The following ATXN7L1 variants were observed in gnomAD, a reference collection of about 807,000 sequenced individuals.
The protein encoded by ATXN7L1 is ataxin 7 like 1.
ATXN7L1 carries 15 observed loss-of-function variants against 70.8 expected under a neutral mutation model. That is an observed-to-expected ratio of 0.21 (90% CI 0.14 to 0.33). ATXN7L1 has a LOEUF of 0.33. Among genes scored for constraint, ATXN7L1 ranks in the 10% least tolerant of loss-of-function variants. ATXN7L1 has a pLI of 1.00. For missense variants in ATXN7L1, 975 were observed against 1,097.1 expected, an observed-to-expected ratio of 0.89 and a Z score of 1.57; for synonymous variants, 440 against 445.1, an observed-to-expected ratio of 0.99 and a Z score of 0.14.
intron 3 of ATXN7L1, among the ~76,000 whole-genome samples, chr7:105,787,685 C>T (rs779013866): frequency 3.3e-5 from 5 of 152,166 alleles, no homozygotes; most frequent in South Asian, 2.1e-4. Context: ...GGGAAATGTG[C>T]GTAATTTGCA....
chr7:105,858,101 T>A (rs1585168351), intron 2 of ATXN7L1, among the ~76,000 whole-genome samples: 1 of 152,066 alleles, frequency 6.6e-6, no homozygotes, highest in Admixed American at 6.6e-5. Flanking sequence ...TGTGGTAGTA[T>A]GTGCCTGTAG....
chr7:105,801,564 A>C (rs543768685), intron 2 of ATXN7L1, among the ~76,000 whole-genome samples: 3 of 152,316 alleles, frequency 2.0e-5, no homozygotes, highest in African/African-American at 7.2e-5. Context: ...ACTTCTTGCT[A>C]GTTAAAAGAT....
intron 3 of ATXN7L1, among the ~76,000 whole-genome samples, chr7:105,779,589 T>C (rs1803246167): frequency 6.6e-6 from 1 of 152,218 alleles, no homozygotes; most frequent in African/African-American, 2.4e-5. Flanking sequence ...ATCATAAGGA[T>C]TTCCTTAGCA....
At chr7:105,750,740 T>A (rs551392735) in intron 3 of ATXN7L1, among the ~76,000 whole-genome samples, 1 of 151,970 alleles carries the variant, frequency 6.6e-6, no homozygotes, top group East Asian at 1.9e-4. Flanking sequence ...GACGTGGAGG[T>A]TGCAGTGAGC....
At chr7:105,743,859 T>C (rs1012305578) in intron 3 of ATXN7L1, among the ~76,000 whole-genome samples, 8 of 152,232 alleles carry the variant, frequency 5.3e-5, no homozygotes, top group Non-Finnish European at 1.2e-4. Flanking sequence ...AATTATGCTC[T>C]AGATGACAGC....
intron 5 of ATXN7L1, among the ~76,000 whole-genome samples, chr7:105,640,683 C>A (rs1490998467): frequency 6.6e-6 from 1 of 152,230 alleles, no homozygotes; most frequent in East Asian, 1.9e-4. Context: ...CACCACCACA[C>A]CTGCCTGATT....
At chr7:105,675,525 T>G (rs1279475335) in intron 3 of ATXN7L1, among the ~76,000 whole-genome samples, 1 of 151,912 alleles carries the variant, frequency 6.6e-6, no homozygotes, top group Non-Finnish European at 1.5e-5. Flanking sequence ...CTCGGGAGGT[T>G]GAGGTGGGAG....
chr7:105,826,515 T>G (rs1304084979), intron 2 of ATXN7L1, among the ~76,000 whole-genome samples: 1 of 152,196 alleles, frequency 6.6e-6, no homozygotes, highest in Non-Finnish European at 1.5e-5. Flanking sequence ...AGCATTTTAT[T>G]ACATAGACAT....
At chr7:105,737,522 C>T (rs1049802623) in intron 3 of ATXN7L1, among the ~76,000 whole-genome samples, 3 of 135,806 alleles carry the variant, frequency 2.2e-5, no homozygotes, top group African/African-American at 3.0e-5. Flanking sequence ...TGCCTACTAA[C>T]GTCCCCGTGT....
chr7:105,867,857 C>T (rs1469442590), intron 2 of ATXN7L1, among the ~76,000 whole-genome samples: 1 of 152,200 alleles, frequency 6.6e-6, no homozygotes, highest in African/African-American at 2.4e-5. Flanking sequence ...GTTGTCTAAA[C>T]TTGGGGGAGG....
chr7:105,737,815 G>C (rs1024160925), intron 3 of ATXN7L1, among the ~76,000 whole-genome samples: 1 of 152,174 alleles, frequency 6.6e-6, no homozygotes, highest in African/African-American at 2.4e-5. Flanking sequence ...TCGTAAGCGG[G>C]GAGTATGAAC....
intron 2 of ATXN7L1, among the ~76,000 whole-genome samples, chr7:105,864,663 T>C (rs1201241513): frequency 1.3e-5 from 2 of 151,056 alleles, no homozygotes; most frequent in African/African-American, 2.4e-5. Context: ...AGACGGAGTG[T>C]CACTCTGTCC....
intron 4 of ATXN7L1, among the ~76,000 whole-genome samples, chr7:105,646,931 G>A (rs1165327598): frequency 6.6e-6 from 1 of 151,618 alleles, no homozygotes; most frequent in Non-Finnish European, 1.5e-5. Flanking sequence ...GTGACACAGT[G>A]AGACCCTGTC....
chr7:105,680,392 G>C (rs1309380496), intron 3 of ATXN7L1, among the ~76,000 whole-genome samples: 1 of 152,182 alleles, frequency 6.6e-6, no homozygotes, highest in Admixed American at 6.5e-5. Context: ...CTGGACTTCT[G>C]GGTTCTTGGC....
intron 10 of ATXN7L1, among the ~76,000 whole-genome samples, chr7:105,611,425 G>C (rs1793140524): frequency 6.6e-6 from 1 of 152,232 alleles, no homozygotes; most frequent in Non-Finnish European, 1.5e-5. Flanking sequence ...AGGCTGGAGT[G>C]CAGTGGCACG....
intron 2 of ATXN7L1, among the ~76,000 whole-genome samples, chr7:105,844,419 G>C (rs571752734): frequency 6.6e-6 from 1 of 152,262 alleles, no homozygotes; most frequent in South Asian, 2.1e-4. Flanking sequence ...TGCAAGAGTG[G>C]TTCAACATAT....
intron 2 of ATXN7L1, among the ~76,000 whole-genome samples, chr7:105,870,749 A>G (rs1242128150): frequency 1.3e-5 from 2 of 152,216 alleles, no homozygotes; most frequent in Admixed American, 1.3e-4. Context: ...AGCACAGAAG[A>G]ATGGCCGTCC....
At chr7:105,809,590 T>C (rs1808120165) in intron 2 of ATXN7L1, among the ~76,000 whole-genome samples, 1 of 152,216 alleles carries the variant, frequency 6.6e-6, no homozygotes. Flanking sequence ...CTTACAATGA[T>C]ACTGACATGG....
At chr7:105,807,117 A>T (rs1354807911) in intron 2 of ATXN7L1, among the ~76,000 whole-genome samples, 1 of 152,158 alleles carries the variant, frequency 6.6e-6, no homozygotes, top group Non-Finnish European at 1.5e-5. Context: ...GGCACTGTCC[A>T]ACTTCCCAGC....
Sources: allele counts gnomAD v4.1 joint callset (sites outside exome capture counted in the v4.1 genomes callset), GRCh38; gene constraint gnomAD v4.1.1; transcripts MANE v1.5; gene names NCBI Gene and HGNC (gene_info 2026-07-23, HGNC 2026-07-21).